The following ATRNL1 variants were observed in gnomAD, a reference collection of about 807,000 sequenced individuals.
The protein encoded by ATRNL1 is attractin-like protein 1.
ATRNL1 carries 95 observed loss-of-function variants against 182.7 expected under a neutral mutation model. That is an observed-to-expected ratio of 0.52 (90% CI 0.44 to 0.62). The LOEUF (loss-of-function observed/expected upper bound fraction) is 0.62, where lower values mean the gene tolerates loss of function less well. Among genes scored for constraint, ATRNL1 ranks in the 20% least tolerant of loss-of-function variants. The pLI, the probability that ATRNL1 is intolerant of heterozygous loss-of-function variation, is 0.00. For synonymous variants in ATRNL1, 576 were observed against 568.3 expected (o/e 1.01, Z -0.19); for missense variants, 1,471 against 1,679.5 (o/e 0.88, Z 2.17).
intron 26 of ATRNL1, among the ~76,000 whole-genome samples, chr10:115,566,049 A>G (rs1262257573): frequency 2.0e-5 from 3 of 152,134 alleles, no homozygotes; most frequent in Admixed American, 6.6e-5. Context: ...CAGAAAACAC[A>G]TAATTGTTTA....
chr10:115,285,199 ATACATG>A (rs1450056035), intron 14 of ATRNL1, among the ~76,000 whole-genome samples: 26 of 152,272 alleles, frequency 1.7e-4, no homozygotes, highest in African/African-American at 5.8e-4. Flanking sequence ...AAATGAATAA[ATACATG>A]TATTTGTTAA....
chr10:115,866,606 A>T (rs567760388), intron 28 of ATRNL1, among the ~76,000 whole-genome samples: 1 of 152,280 alleles, frequency 6.6e-6, no homozygotes, highest in Admixed American at 6.5e-5. Context: ...TGTCTACTCT[A>T]CAGTTTATGC....
At chr10:115,774,635 C>T (rs10885811) in intron 27 of ATRNL1, among the ~76,000 whole-genome samples, 30,829 of 151,862 alleles carry the variant, frequency 0.2, 3,271 homozygotes, top group South Asian at 0.29. Flanking sequence ...TATTTATTTC[C>T]TCTTAGCATA....
intron 14 of ATRNL1, among the ~76,000 whole-genome samples, chr10:115,284,831 T>C (rs1379154669): frequency 6.6e-6 from 1 of 152,126 alleles, no homozygotes; most frequent in Non-Finnish European, 1.5e-5. Context: ...AAAAATAAAA[T>C]ATGCTATTAA....
chr10:115,392,378 C>A (rs1038254621), intron 19 of ATRNL1, among the ~76,000 whole-genome samples: 21 of 152,194 alleles, frequency 1.4e-4, no homozygotes, highest in Admixed American at 1.0e-3. Flanking sequence ...AAATCTCAGA[C>A]TCACTCTTAG....
At chr10:115,926,883 C>T (rs980456783) in intron 28 of ATRNL1, among the ~76,000 whole-genome samples, 5 of 151,954 alleles carry the variant, frequency 3.3e-5, no homozygotes, top group Admixed American at 6.6e-5. Flanking sequence ...TCCAAACAAT[C>T]GAAAAGGAGG....
At chr10:115,559,441 T>TGTGC (rs1554998481) in intron 26 of ATRNL1, among the ~76,000 whole-genome samples, 1 of 15,256 alleles carries the variant, frequency 6.6e-5, no homozygotes, top group Non-Finnish European at 2.2e-4. Context: ...TGTGTGTGTG[T>TGTGC]GTGCGCGCGC....
intron 26 of ATRNL1, among the ~76,000 whole-genome samples, chr10:115,581,424 G>A (rs1855067999): frequency 6.6e-6 from 1 of 152,010 alleles, no homozygotes; most frequent in African/African-American, 2.4e-5. Context: ...CCAGGAAGAG[G>A]ATCTGTGGGA....
chr10:115,535,102 C>G (rs1175855829), intron 25 of ATRNL1, among the ~76,000 whole-genome samples: 3 of 150,380 alleles, frequency 2.0e-5, no homozygotes, highest in African/African-American at 7.3e-5. Flanking sequence ...TTGCTCTTCT[C>G]GAGGAGTATC....
intron 25 of ATRNL1, among the ~76,000 whole-genome samples, chr10:115,547,465 A>T (rs1026590768): frequency 6.6e-6 from 1 of 151,994 alleles, no homozygotes; most frequent in African/African-American, 2.4e-5. Flanking sequence ...CAAGGATAAG[A>T]TGCTCTCATT....
intron 6 of ATRNL1, among the ~76,000 whole-genome samples, chr10:115,161,119 A>G (rs1215620816): frequency 1.3e-5 from 2 of 151,962 alleles, no homozygotes; most frequent in Non-Finnish European, 2.9e-5. Context: ...TCTGAATTCA[A>G]ATTTAACTGG....
At chr10:115,317,437 T>C (rs1554930042) in intron 18 of ATRNL1, among the ~76,000 whole-genome samples, 1 of 152,220 alleles carries the variant, frequency 6.6e-6, no homozygotes, top group Non-Finnish European at 1.5e-5. Flanking sequence ...AGAATGTCAA[T>C]TGTAGCTTGA....
chr10:115,694,882 GTTT>G (rs35787777), intron 26 of ATRNL1, among the ~76,000 whole-genome samples: 12 of 141,724 alleles, frequency 8.5e-5, no homozygotes, highest in Middle Eastern at 3.7e-3. Flanking sequence ...TATTTTTCCT[GTTT>G]TTTTTTTTTT....
chr10:115,865,379 A>G (rs1166001704), intron 28 of ATRNL1, among the ~76,000 whole-genome samples: 2 of 152,190 alleles, frequency 1.3e-5, no homozygotes, highest in Non-Finnish European at 2.9e-5. Context: ...AAAAGCTAAT[A>G]GAAGTATTTT....
At chr10:115,597,654 C>A in intron 26 of ATRNL1, 1 of 445,246 alleles carries the variant, frequency 2.2e-6, no homozygotes, top group African/African-American at 2.1e-5. Flanking sequence ...CTCACTGCAA[C>A]CTCCGCATCC....
intron 26 of ATRNL1, among the ~76,000 whole-genome samples, chr10:115,612,776 C>T (rs1857233175): frequency 6.6e-6 from 1 of 152,186 alleles, no homozygotes; most frequent in African/African-American, 2.4e-5. Flanking sequence ...GGCATGTGCG[C>T]ATGAGGGCCC....
chr10:115,208,834 C>CT (rs1224064329), intron 8 of ATRNL1, among the ~76,000 whole-genome samples: 69 of 151,742 alleles, frequency 4.5e-4, no homozygotes, highest in African/African-American at 1.4e-3. Context: ...TGATTTCTTT[C>CT]TTTTTTTTAT....
chr10:115,835,609 A>T (rs1468117259), intron 27 of ATRNL1, among the ~76,000 whole-genome samples: 1 of 152,222 alleles, frequency 6.6e-6, no homozygotes, highest in Non-Finnish European at 1.5e-5. Flanking sequence ...ATACCACAAC[A>T]TATAAAATTG....
chr10:115,435,062 G>T (rs1456724421), intron 21 of ATRNL1, among the ~76,000 whole-genome samples: 5 of 131,696 alleles, frequency 3.8e-5, no homozygotes, highest in African/African-American at 1.5e-4. Context: ...ACGGAGTCTT[G>T]CTCTGTCGCC....
Sources: allele counts gnomAD v4.1 joint callset (sites outside exome capture counted in the v4.1 genomes callset), GRCh38; gene constraint gnomAD v4.1.1; transcripts MANE v1.5; gene names NCBI Gene and HGNC (gene_info 2026-07-23, HGNC 2026-07-21).